Variants in NLGN3 observed in about 807,000 individuals in gnomAD.
NLGN3 encodes the protein neuroligin-3.
A neutral mutation model predicts 42.9 loss-of-function variants in NLGN3; 11 were observed. The ratio of observed to expected loss-of-function variants is 0.26; its 90% CI spans 0.16 to 0.42. The LOEUF (loss-of-function observed/expected upper bound fraction) is 0.42, where lower values mean the gene tolerates loss of function less well. NLGN3 is among the 10% of genes least tolerant of loss of function. NLGN3 has a pLI of 1.00. For missense variants in NLGN3, 374 were observed against 733.8 expected (o/e 0.51, Z 5.67); for synonymous variants, 279 against 312.7 (o/e 0.89, Z 1.14).
At chrX:71,148,931 A>G (rs746354881) in intron 3 of NLGN3, 26 bp downstream of exon 3, 4 of 585,624 alleles carry the variant, frequency 6.8e-6, no homozygotes, top group South Asian at 5.4e-5. Flanking sequence ...GCGGGGAGGG[A>G]GAGAGAGAGA....
At chrX:71,159,847 C>T (rs1298199977) in intron 5 of NLGN3, among the ~76,000 whole-genome samples, 1 of 104,906 alleles carries the variant, frequency 9.5e-6, no homozygotes, top group Non-Finnish European at 1.9e-5. Context: ...GCCTCAGCCT[C>T]TGGAGTATCT....
chrX:71,166,893 T>A lies in NLGN3; in HGVS notation c.914-118T>A, dbSNP rs776728632. 8 of 637,501 alleles carry A rather than the reference T, an allele frequency of 1.3e-5. No individual in the cohort carries two copies. The African/African-American group carries it at 1.8e-4, about 14-fold the overall frequency. 52.5% of individuals were successfully genotyped at this position (637,501 alleles called of 1,213,427 possible). On this transcript the variant is annotated intron_variant, in intron 6 of 7. Coordinates refer to ENST00000358741, the MANE Select transcript of NLGN3 (RefSeq NM_181303.2). ...CCTACATCATCCCCTGCCAAAAGAG[T>A]TGTTCCCCCTTCCTAGCCCATTTAA... is the stretch of plus-strand genomic sequence containing the variant.
At chrX:71,151,149 C>T (rs1480164432) in intron 3 of NLGN3, among the ~76,000 whole-genome samples, 2 of 110,403 alleles carry the variant, frequency 1.8e-5, no homozygotes, top group African/African-American at 3.3e-5. Flanking sequence ...GAAACCCCAT[C>T]CCTACTAAAA....
chrX:71,150,887 A>G (rs1284756504), intron 3 of NLGN3, among the ~76,000 whole-genome samples: 1 of 110,907 alleles, frequency 9.0e-6, no homozygotes, highest in Non-Finnish European at 1.9e-5. Flanking sequence ...ACATTTACCA[A>G]TCGTGATTGT....
chrX:71,155,520 A>G (rs960697246), intron 5 of NLGN3, among the ~76,000 whole-genome samples, 157 bp downstream of exon 5: 1 of 112,126 alleles, frequency 8.9e-6, no homozygotes, highest in African/African-American at 3.2e-5. Context: ...CCCAAATGCT[A>G]GGGGCTTCCC....
rs775097674 is a variant in NLGN3, at chrX:71,148,185, G to A, written c.436G>A (p.Val146Ile). 3.3e-6 allele frequency: 4 copies of A among 1,210,571 alleles called. No individual in the cohort carries two copies. The highest frequency in any genetic ancestry group is 4.5e-6 in the Non-Finnish European group (4 of 894,514). ...CAACGAAGACTGTCTCTACCTGAAC[G>A]TCTATGTGCCGACGGAGGATGGTGA... ...EPNEDCLYLNVYVPTEDVKRI... is the reference protein window; with the variant it reads ...EPNEDCLYLNIYVPTEDVKRI... Residue 146 changes from valine (V) to isoleucine (I), a missense_variant, in exon 2 of 8, where the codon GTC becomes ATC. Around this residue, in one of 6 missense-constraint regions of NLGN3, gnomAD observed 109 missense variants for 173.3 expected, o/e 0.63. Coordinates refer to ENST00000358741, the MANE Select transcript of NLGN3 (RefSeq NM_181303.2).
At chrX:71,171,841 G>A (rs2092471812), downstream of NLGN3, 1 of 120,078 alleles carries the variant, frequency 8.3e-6, no homozygotes, top group African/African-American at 3.3e-5. Context: ...GATTCAGTGG[G>A]GCCTCACAGG....
At chrX:71,172,529 C>T (rs1468082418), downstream of NLGN3, among the ~76,000 whole-genome samples, 1 of 111,383 alleles carries the variant, frequency 9.0e-6, no homozygotes, top group African/African-American at 3.3e-5. Context: ...TGGGTCTACC[C>T]TTGGCCAACA....
Position 71,148,226 on chromosome X carries a change from A to G in NLGN3, c.457+20A>G. On this transcript the variant is annotated intron_variant, in intron 2 of 7. Transcript: ENST00000358741. ...AGGATGGTGAGTGCTGCGGCCAGGC[A>G]CTGTGCCCTCCCTGCCTCCCGCCTG... 8.6e-7 allele frequency: 1 copy of G among 1,164,706 alleles called. No homozygotes were observed. Among genetic ancestry groups the G allele is most frequent in the Admixed American group, 2.2e-5 (1 of 45,988 alleles).
At chrX:71,165,981 T>C (rs1213679142) in intron 6 of NLGN3, among the ~76,000 whole-genome samples, 1 of 111,998 alleles carries the variant, frequency 8.9e-6, no homozygotes, top group Non-Finnish European at 1.9e-5. Flanking sequence ...GGCTTTCTCT[T>C]AAAGGAATGG....
In NLGN3 at chrX:71,161,183, C is replaced by T. The variant is rs1260858319; in HGVS notation, c.728-2960C>T. ...AGGCTGCAGTGCAATGGCGCTATCTCGGCTCACCGCAACCTCCGCCTCCCA... is the reference window on the plus strand; with the variant it reads ...AGGCTGCAGTGCAATGGCGCTATCTTGGCTCACCGCAACCTCCGCCTCCCA... On this transcript the variant is annotated intron_variant, in intron 5 of 7. Transcript: ENST00000358741. Among the ~76,000 whole-genome samples the T allele has an allele frequency of 3.8e-5, 4 of 104,509 alleles. No individual in the cohort carries two copies. In the East Asian group the frequency reaches 9.1e-4, roughly 24 times the overall value. 90.8% of individuals were successfully genotyped at this position (104,509 alleles called of 115,157 possible). A position where few individuals can be genotyped will look rare whatever the true frequency, so the allele number is the denominator to read the frequency against.
rs1569483385 is a variant in NLGN3 at position 71,146,164 on chromosome X, C to CACAG, written c.-201+1203_-201+1204insGACA. Among the ~76,000 whole-genome samples the CACAG allele has an allele frequency of 3.9e-3, 188 of 47,866 alleles. 1 individual carries two copies. The highest frequency in any genetic ancestry group is 5.6e-3 in the Non-Finnish European group (160 of 28,693). 41.6% of individuals were successfully genotyped at this position (47,866 alleles called of 115,157 possible). ...TCTCTCTCTCTCTCTCACACACACA[C>CACAG]ACACACAGACACACACACACACACA... On this transcript the variant is annotated intron_variant, in intron 1 of 7. Transcript: ENST00000358741.
At chrX:71,159,011 T>C (rs5981082) in intron 5 of NLGN3, among the ~76,000 whole-genome samples, 57,243 of 109,547 alleles carry the variant, frequency 0.52, 12,645 homozygotes, top group African/African-American at 0.83. Context: ...TGCACACACA[T>C]GCATGTGCGC....
At chrX:71,162,857 C>T (rs2092434924) in intron 5 of NLGN3, among the ~76,000 whole-genome samples, 1 of 111,799 alleles carries the variant, frequency 8.9e-6, no homozygotes, top group South Asian at 3.7e-4. Context: ...AAGTTGATTC[C>T]AGGTGCTGTG....
At chrX:71,158,731 A>G (rs1308737031) in intron 5 of NLGN3, among the ~76,000 whole-genome samples, 1 of 111,053 alleles carries the variant, frequency 9.0e-6, no homozygotes, top group Non-Finnish European at 1.9e-5. Context: ...ACAGAAGGAG[A>G]GACTTAGGAT....
intron 1 of NLGN3, among the ~76,000 whole-genome samples, chrX:71,146,231 C>G (rs920997907): frequency 1.1e-5 from 1 of 90,550 alleles, no homozygotes; most frequent in Admixed American, 1.3e-4. Context: ...ATTCTCATTC[C>G]CCTCTCGTGG....
intron 5 of NLGN3, among the ~76,000 whole-genome samples, chrX:71,156,573 C>A (rs1455154806): frequency 9.1e-6 from 1 of 110,337 alleles, no homozygotes; most frequent in Admixed American, 9.7e-5. Flanking sequence ...CCAGCACACA[C>A]CCATGCACTT....
At chrX:71,157,675 C>T (rs1272424620) in intron 5 of NLGN3, among the ~76,000 whole-genome samples, 3 of 111,316 alleles carry the variant, frequency 2.7e-5, no homozygotes, top group Non-Finnish European at 5.7e-5. Context: ...TCAGAGGCTC[C>T]GGGGCTGCAT....
chrX:71,162,921 T>A (rs1461070996), intron 5 of NLGN3, among the ~76,000 whole-genome samples: 2 of 111,880 alleles, frequency 1.8e-5, no homozygotes, highest in South Asian at 3.7e-4. Context: ...GGGTTTCCAA[T>A]GTGTAGGAGC....
Sources: gnomAD v4.1 joint callset for allele counts (sites outside exome capture counted in the v4.1 genomes callset) on GRCh38, gnomAD v4.1.1 for gene constraint, gnomAD v4.1.1 regional missense constraint, MANE v1.5 for transcripts, NCBI Gene and HGNC (gene_info 2026-07-23, HGNC 2026-07-21) for gene names.